Variants in QTRT1 observed in about 807,000 individuals in gnomAD.
QTRT1 encodes TGT, 43-KD subunit.
Under a neutral mutation model 44.0 loss-of-function variants are expected in QTRT1, and 41 were observed. The observed-to-expected ratio is 0.93, with a 90% CI of 0.73 to 1.21. The LOEUF is 1.21. Ranked by LOEUF, QTRT1 falls within the 50% of genes most tolerant of loss-of-function variation. The probability of loss-of-function intolerance (pLI) is 0.00; values close to 1 mark genes in which losing one functional copy is unlikely to be tolerated. For synonymous variants in QTRT1, 226 were observed against 237.1 expected, an observed-to-expected ratio of 0.95 and a Z score of 0.43; for missense variants, 542 against 575.8, an observed-to-expected ratio of 0.94 and a Z score of 0.60.
chr19:10,701,788 T>A (rs2068690311), intron 1 of QTRT1, 85 bp downstream of exon 1: 14 of 1,563,596 alleles, frequency 9.0e-6, no homozygotes, highest in Non-Finnish European at 1.2e-5. Flanking sequence ...CGGACACTCC[T>A]CCCAAAGTCA....
At chr19:10,702,382 C>T in intron 3 of QTRT1, 128 bp downstream of exon 3, 3 of 1,025,526 alleles carry the variant, frequency 2.9e-6, no homozygotes, top group South Asian at 3.3e-5. Context: ...GTTGAACCAA[C>T]TCAAAGCGGG....
chr19:10,707,031 G>A (rs763275161), intron 3 of QTRT1, among the ~76,000 whole-genome samples: 2 of 152,182 alleles, frequency 1.3e-5, no homozygotes, highest in Non-Finnish European at 2.9e-5. Flanking sequence ...GCTGTGGCAC[G>A]CCACATAGCA....
In QTRT1 at chr19:10,708,210, G is replaced by A. The variant is rs898147885; in HGVS notation, c.646+595G>A. On this transcript the variant is annotated intron_variant, in intron 5 of 9. Coordinates refer to ENST00000250237, the MANE Select transcript of QTRT1 (RefSeq NM_031209.3). Reference sequence around the variant, plus strand: ...AAACTCCTGACCTTGTGATCTGCCTGCCTCGGCCTCCCAAAGTGCTGGGAT... The same window carrying A: ...AAACTCCTGACCTTGTGATCTGCCTACCTCGGCCTCCCAAAGTGCTGGGAT... 2.0e-5 allele frequency among the ~76,000 whole-genome samples: 3 copies of A among 150,296 alleles called. No individual in the cohort carries two copies. The South Asian group carries it at 6.4e-4, about 32-fold the overall frequency.
chr19:10,707,972 G>A (rs557793522), intron 5 of QTRT1, among the ~76,000 whole-genome samples: 7 of 150,458 alleles, frequency 4.7e-5, no homozygotes, highest in Non-Finnish European at 1.0e-4. Flanking sequence ...TTGGAGGGTG[G>A]AGTCTTGCAC....
intron 3 of QTRT1, among the ~76,000 whole-genome samples, chr19:10,704,349 GGTGGCGC>G (rs1568252127): frequency 6.7e-6 from 1 of 150,284 alleles, no homozygotes; most frequent in African/African-American, 2.5e-5. Flanking sequence ...GCTGGAGTGC[GGTGGCGC>G]GATCTCGGCT....
chr19:10,712,319 G>C lies in QTRT1; in HGVS notation c.785+20G>C. On this transcript the variant is annotated intron_variant, in intron 6 of 9. Coordinates refer to ENST00000250237, the MANE Select transcript of QTRT1 (RefSeq NM_031209.3). The surrounding 1 kb of genome is among the most constrained non-coding windows in gnomAD (Gnocchi z 5.6). ...GGTTGGGTATGTTGTGGATAGGGAAGCCAGAGCCCTACCTGTGGGAAGTGG... is the reference window on the plus strand; with the variant it reads ...GGTTGGGTATGTTGTGGATAGGGAACCCAGAGCCCTACCTGTGGGAAGTGG... 7 of 1,595,882 alleles carry C rather than the reference G, an allele frequency of 4.4e-6. No homozygotes were observed. The highest frequency in any genetic ancestry group is 6.0e-6 in the Non-Finnish European group (7 of 1,170,292).
intron 3 of QTRT1, among the ~76,000 whole-genome samples, chr19:10,705,360 T>A (rs2081172012): frequency 6.6e-6 from 1 of 151,722 alleles, no homozygotes; most frequent in Non-Finnish European, 1.5e-5. Context: ...TGCTGCAGCC[T>A]CCCGAGTAGC....
In QTRT1 at chr19:10,701,479, C is replaced by G. The variant is rs146247634; in HGVS notation, c.19C>G (p.Gln7Glu). Residue 7 changes from glutamine (Q) to glutamate (E), a missense_variant, in exon 1 of 10, where the codon CAG (glutamine) becomes GAG (glutamate). Coordinates refer to ENST00000250237, the MANE Select transcript of QTRT1 (RefSeq NM_031209.3). MAGAAT[Q>E]ASLESAPRIM... ...AGTCAAGATGGCGGGAGCAGCTACC[C>G]AGGCTTCCCTGGAGTCGGCCCCACG... 9.2e-5 allele frequency: 143 copies of G among 1,562,374 alleles called. No individual in the cohort carries two copies. The highest frequency in any genetic ancestry group is 1.2e-4 in the Non-Finnish European group (133 of 1,150,828).
chr19:10,707,601 C>G lies in QTRT1; in HGVS notation c.632C>G (p.Ala211Gly). ...IQGGLDADLRATCLEEMTKRD... is the reference protein window; with the variant it reads ...IQGGLDADLRGTCLEEMTKRD... Reference sequence around the variant, plus strand: ...GGTGGGCTGGACGCAGATCTCCGGGCCACCTGCCTTGAAGGTAGAGCCATG... The same window carrying G: ...GGTGGGCTGGACGCAGATCTCCGGGGCACCTGCCTTGAAGGTAGAGCCATG... The change falls in exon 5 of 10, where the codon GCC (alanine) becomes GGC (glycine). Residue 211 changes from alanine to glycine, a missense_variant. Ala to Gly is a moderately conservative substitution (Grantham distance 60). Transcript: ENST00000250237. The G allele has an allele frequency of 1.2e-6, 2 of 1,604,912 alleles. No individual in the cohort carries two copies. Among genetic ancestry groups the G allele is most frequent in the Non-Finnish European group, 1.7e-6 (2 of 1,175,892 alleles).
In QTRT1 at chr19:10,712,431, G is replaced by A. The variant is rs2068743058; in HGVS notation, c.786-122G>A. On this transcript the variant is annotated intron_variant, in intron 6 of 9. Transcript: ENST00000250237. The surrounding 1 kb of genome is among the most constrained non-coding windows in gnomAD (Gnocchi z 5.6). ...TGATCTGAGGAGACTAGGAAGACAT[G>A]GCTGTCCCTTGGGGGCCATTCTGAG... 1.4e-6 allele frequency: 2 copies of A among 1,449,322 alleles called. No homozygotes were observed. Among genetic ancestry groups the A allele is most frequent in the African/African-American group, 2.8e-5 (2 of 71,768 alleles). 89.8% of individuals were successfully genotyped at this position (1,449,322 alleles called of 1,614,324 possible). A position where few individuals can be genotyped will look rare whatever the true frequency, so the allele number is the denominator to read the frequency against.
Position 10,701,524 on chromosome 19 carries a change from G to T in QTRT1, c.64G>T (p.Glu22Ter), listed in dbSNP as rs779647818. 1.3e-6 allele frequency: 2 copies of T among 1,594,108 alleles called. No individual in the cohort carries two copies. The highest frequency in any genetic ancestry group is 1.7e-6 in the Non-Finnish European group (2 of 1,168,856). The change falls in exon 1 of 10, where the codon GAA becomes TAA. Residue 22 changes from glutamate (E) to a stop codon, truncating the protein, a stop_gained. Coordinates refer to ENST00000250237, the MANE Select transcript of QTRT1 (RefSeq NM_031209.3). LOFTEE classifies it high-confidence loss of function. ...CCCACGGATCATGCGGCTGGTGGCC[G>T]AATGCAGCCGCTCCAGGGCCCGGGC... The part of the protein sequence containing the change: ...SAPRIMRLVA[E>*]CSRSRARAGE...
At chr19:10,708,426 A>G (rs1285577917) in intron 5 of QTRT1, among the ~76,000 whole-genome samples, 5 of 152,048 alleles carry the variant, frequency 3.3e-5, no homozygotes, top group Non-Finnish European at 7.4e-5. Flanking sequence ...CCAGCCATGC[A>G]TTACCTTTTA....
chr19:10,704,591 G>C (rs1457490788), intron 3 of QTRT1, among the ~76,000 whole-genome samples: 1 of 150,170 alleles, frequency 6.7e-6, no homozygotes, highest in Non-Finnish European at 1.5e-5. Flanking sequence ...ACCGCACCCG[G>C]CCTCTTTTTT....
intron 5 of QTRT1, 105 bp downstream of exon 5, chr19:10,707,720 G>C: frequency 1.3e-6 from 1 of 777,364 alleles, no homozygotes; most frequent in Non-Finnish European, 2.0e-6. Context: ...AGGGCACTGC[G>C]CTAGAAAAAA....
chr19:10,701,516 T>G lies in QTRT1; in HGVS notation c.56T>G (p.Leu19Arg). 10 of 1,594,574 alleles carry G rather than the reference T, an allele frequency of 6.3e-6. No individual in the cohort carries two copies. The highest frequency in any genetic ancestry group is 8.6e-6 in the Non-Finnish European group (10 of 1,168,842). Residue 19 changes from leucine to arginine, a missense_variant, in exon 1 of 10, where the codon CTG (leucine) becomes CGG (arginine). Transcript: ENST00000250237. ...GAGTCGGCCCCACGGATCATGCGGC[T>G]GGTGGCCGAATGCAGCCGCTCCAGG... ...SLESAPRIMR[L>R]VAECSRSRAR...
chr19:10,708,623 C>T (rs560092988), intron 5 of QTRT1, among the ~76,000 whole-genome samples: 1 of 152,230 alleles, frequency 6.6e-6, no homozygotes, highest in South Asian at 2.1e-4. Context: ...TAAAATGCAG[C>T]TCCCCTTCCC....
intron 3 of QTRT1, among the ~76,000 whole-genome samples, chr19:10,703,493 C>T (rs2068699375): frequency 6.6e-6 from 1 of 152,034 alleles, no homozygotes; most frequent in South Asian, 2.1e-4. Context: ...GGCTGAAGCC[C>T]CTATAACAAA....
intron 3 of QTRT1, among the ~76,000 whole-genome samples, chr19:10,703,880 C>T (rs369746182): frequency 1.3e-5 from 2 of 151,416 alleles, no homozygotes; most frequent in Admixed American, 6.6e-5. Flanking sequence ...GAGTCTCACT[C>T]TGTCACCCAG....
At chr19:10,710,627 T>A (rs1006021759) in intron 5 of QTRT1, among the ~76,000 whole-genome samples, 7 of 151,724 alleles carry the variant, frequency 4.6e-5, no homozygotes, top group Admixed American at 1.3e-4. Context: ...TTTTATTTTT[T>A]AAATTTTACT....
Sources: allele counts gnomAD v4.1 joint callset (sites outside exome capture counted in the v4.1 genomes callset), GRCh38; gene constraint gnomAD v4.1.1; non-coding constraint Gnocchi (gnomAD v3.1); transcripts MANE v1.5; gene names NCBI Gene and HGNC (gene_info 2026-07-23, HGNC 2026-07-21).